Variants in SHISA9 observed in about 807,000 individuals in gnomAD.
The protein encoded by SHISA9 is protein shisa-9.
In SHISA9, 13 loss-of-function variants were observed where a neutral mutation model predicts 38.0. The observed-to-expected ratio is 0.34, with a 90% CI of 0.22 to 0.54. SHISA9 has a LOEUF of 0.54. Among genes scored for constraint, SHISA9 ranks in the 20% least tolerant of loss-of-function variants. The pLI is 0.91. For synonymous variants in SHISA9, 275 were observed against 242.0 expected (o/e 1.14, Z -1.27); for missense variants, 538 against 575.8 (o/e 0.93, Z 0.67).
chr16:13,208,310 G>A (rs1039123930), intron 3 of SHISA9, among the ~76,000 whole-genome samples: 10 of 152,042 alleles, frequency 6.6e-5, no homozygotes, highest in African/African-American at 2.4e-4. Flanking sequence ...GTTAATGTTG[G>A]TTGTTCCTGA....
At chr16:12,951,221 CAAAAAAA>C (rs71147772) in intron 2 of SHISA9, among the ~76,000 whole-genome samples, 3 of 11,960 alleles carry the variant, frequency 2.5e-4, no homozygotes, top group Non-Finnish European at 5.7e-4. Context: ...ACTCCTTCTC[CAAAAAAA>C]AAAAAAAAAA....
rs1567190807 is a variant in SHISA9 at position 13,037,103 on chromosome 16, C to CAG, written c.691+120289_691+120290insGA. On this transcript the variant is annotated intron_variant, in intron 2 of 4. Transcript: ENST00000558583. The stretch of plus-strand genomic sequence containing the variant: ...ACACACCACACCACACACACACACA[C>CAG]ACACAGACACACACACACACACACA... Among the ~76,000 whole-genome samples the CAG allele has an allele frequency of 5.0e-3, 290 of 58,280 alleles. 4 individuals carry two copies. Among genetic ancestry groups the CAG allele is most frequent in the African/African-American group, 0.017 (219 of 12,578 alleles). 38.2% of individuals were successfully genotyped at this position (58,280 alleles called of 152,430 possible).
chr16:13,276,628 A>G, the SHISA9 span, among the ~76,000 whole-genome samples: 1 of 152,066 alleles, frequency 6.6e-6, no homozygotes, highest in Admixed American at 6.6e-5. Context: ...GTAAGGTTGT[A>G]TCACACTGTG....
chr16:13,187,603 G>A (rs191818619), intron 2 of SHISA9, among the ~76,000 whole-genome samples: 35 of 152,152 alleles, frequency 2.3e-4, no homozygotes, highest in Non-Finnish European at 4.1e-4. Flanking sequence ...CCAAAGTGCT[G>A]GGATTACGGG....
chr16:12,945,235 G>GAA (rs745440093), intron 2 of SHISA9, among the ~76,000 whole-genome samples: 4 of 152,086 alleles, frequency 2.6e-5, no homozygotes, highest in African/African-American at 4.8e-5. Context: ...TCGCTATAGG[G>GAA]AACTGACAGT....
the SHISA9 span, among the ~76,000 whole-genome samples, chr16:13,374,215 G>A: frequency 3.3e-5 from 5 of 150,272 alleles, no homozygotes; most frequent in African/African-American, 9.8e-5. Flanking sequence ...TGTGCACAAC[G>A]TGCAGGTTTG....
chr16:13,022,403 C>T (rs1293441070), intron 2 of SHISA9, among the ~76,000 whole-genome samples: 1 of 152,060 alleles, frequency 6.6e-6, no homozygotes, highest in Non-Finnish European at 1.5e-5. Context: ...ACGGTCTTGG[C>T]TCACTGCAAC....
rs150885535 is a variant in SHISA9 at position 13,153,326 on chromosome 16, T to G, written c.692-50068T>G. Among the ~76,000 whole-genome samples, 58 of 152,154 alleles carry G rather than the reference T, an allele frequency of 3.8e-4. 1 individual carries two copies. The East Asian group carries it at 9.9e-3, about 26-fold the overall frequency. ...ATAATAGAGTGTGCCTTTAAATGTT[T>G]GTTTCTATATTGGATTTTTAATGGA... On this transcript the variant is annotated intron_variant, in intron 2 of 4. Transcript: ENST00000558583.
chr16:13,262,631 T>A, the SHISA9 span, among the ~76,000 whole-genome samples: 2 of 77,944 alleles, frequency 2.6e-5, no homozygotes, highest in African/African-American at 5.7e-5. Flanking sequence ...ATTGTTATTG[T>A]GGAAGGAAGG....
At chr16:13,538,472 C>T in the SHISA9 span, among the ~76,000 whole-genome samples, 22 of 152,302 alleles carry the variant, frequency 1.4e-4, no homozygotes, top group South Asian at 1.2e-3. Context: ...AAAATACATA[C>T]AGCAAAGAAA....
At chr16:12,908,335 G>A in intron 1 of SHISA9, 1 of 1,330,194 alleles carries the variant, frequency 7.5e-7, no homozygotes, top group Non-Finnish European at 1.0e-6. Context: ...CAGAATAGGA[G>A]GGAGGGTCTA....
chr16:13,515,837 A>T, the SHISA9 span, among the ~76,000 whole-genome samples: 1 of 152,234 alleles, frequency 6.6e-6, no homozygotes, highest in African/African-American at 2.4e-5. Flanking sequence ...AAAATCCAAG[A>T]TTAGGAATAT....
intron 2 of SHISA9, among the ~76,000 whole-genome samples, chr16:12,976,544 G>A (rs2072164458): frequency 6.6e-6 from 1 of 152,140 alleles, no homozygotes; most frequent in South Asian, 2.1e-4. Flanking sequence ...ACAGAATCAT[G>A]GGGATTTGGA....
chr16:13,129,299 C>T (rs2050287628), intron 2 of SHISA9, among the ~76,000 whole-genome samples: 1 of 152,180 alleles, frequency 6.6e-6, no homozygotes, highest in Non-Finnish European at 1.5e-5. Context: ...ATTCACAGTA[C>T]AGTGAGCTTT....
chr16:13,500,278 A>G, the SHISA9 span, among the ~76,000 whole-genome samples: 22 of 152,114 alleles, frequency 1.4e-4, no homozygotes, highest in Admixed American at 1.4e-3. Flanking sequence ...ACCTTCCGCC[A>G]TGATTTTAAG....
the SHISA9 span, among the ~76,000 whole-genome samples, chr16:13,312,247 T>C: frequency 1.3e-5 from 2 of 152,222 alleles, no homozygotes; most frequent in African/African-American, 4.8e-5. Flanking sequence ...ATGGGTGTGG[T>C]CTTGTTTCAA....
the SHISA9 span, among the ~76,000 whole-genome samples, chr16:13,382,858 AAAAC>A: frequency 0.032 from 4,796 of 152,250 alleles, 96 homozygotes; most frequent in Non-Finnish European, 0.047. Context: ...ACTCTGTCTT[AAAAC>A]AAACAAACAA....
chr16:13,518,922 G>A, the SHISA9 span, among the ~76,000 whole-genome samples: 2 of 152,116 alleles, frequency 1.3e-5, no homozygotes, highest in Admixed American at 1.3e-4. Flanking sequence ...AAAAAAGGGG[G>A]TGAACTTTCC....
At chr16:13,484,077 G>T in the SHISA9 span, among the ~76,000 whole-genome samples, 1 of 152,144 alleles carries the variant, frequency 6.6e-6, no homozygotes, top group East Asian at 1.9e-4. Context: ...CCGTCAATCA[G>T]TGGCATCTGA....
Sources: allele counts gnomAD v4.1 joint callset (sites outside exome capture counted in the v4.1 genomes callset), GRCh38; gene constraint gnomAD v4.1.1; transcripts MANE v1.5; gene names NCBI Gene and HGNC (gene_info 2026-07-23, HGNC 2026-07-21).